INA: variants seen among roughly 807,000 people sequenced by gnomAD.
INA encodes alpha-internexin.
Under a neutral mutation model 40.1 loss-of-function variants are expected in INA, and 35 were observed. The ratio of observed to expected loss-of-function variants is 0.87; its 90% CI spans 0.67 to 1.16. The LOEUF (loss-of-function observed/expected upper bound fraction) is 1.16, where lower values mean the gene tolerates loss of function less well. Ranked by LOEUF, INA falls within the 50% of genes most tolerant of loss-of-function variation. INA has a pLI of 0.00. For synonymous variants in INA, 290 were observed against 316.9 expected, an observed-to-expected ratio of 0.92 and a Z score of 0.90; for missense variants, 594 against 686.7, an observed-to-expected ratio of 0.87 and a Z score of 1.51.
Position 103,289,338 on chromosome 10 carries a change from AATTAC to A in INA, c.*670_*674del, listed in dbSNP as rs1271339637. 2 of 152,658 alleles carry A rather than the reference AATTAC, an allele frequency of 1.3e-5. No individual in the cohort carries two copies. The highest frequency in any genetic ancestry group is 4.8e-5 in the African/African-American group (2 of 41,460). 9.5% of individuals were successfully genotyped at this position (152,658 alleles called of 1,614,324 possible). A position where few individuals can be genotyped will look rare whatever the true frequency, so the allele number is the denominator to read the frequency against. ...TGTTGACCATGTCTATGATTCGTGT[AATTAC>A]TTATCCCTGCCCATTTCATATTCTT... On this transcript the variant is annotated 3_prime_UTR_variant, in exon 3 of 3. Transcript: ENST00000369849.
At chr10:103,283,134 G>A (rs2093076319) in intron 1 of INA, among the ~76,000 whole-genome samples, 3 of 152,192 alleles carry the variant, frequency 2.0e-5, no homozygotes, top group South Asian at 2.1e-4. Flanking sequence ...GTAGAAAACT[G>A]GCTGAGGTCC....
chr10:103,288,259 G>T, intron 2 of INA, 101 bp from the exon 3 acceptor site: 1 of 1,097,110 alleles, frequency 9.1e-7, no homozygotes, highest in Non-Finnish European at 1.3e-6. Flanking sequence ...AAACTCCAAA[G>T]TCCTTTGGAA....
intron 1 of INA, chr10:103,280,015 T>G: frequency 7.8e-7 from 1 of 1,285,934 alleles, no homozygotes; most frequent in Non-Finnish European, 1.0e-6. Context: ...GATAACTTAC[T>G]CAGAGCTGCC....
In INA at chr10:103,278,450, A is replaced by G; in HGVS notation, c.1065+174A>G. ...CCCTGGAGTCTTTAATGTTAATTTT[A>G]GGGAACGCCCCTCATTTATGTCCCT... On this transcript the variant is annotated intron_variant, in intron 1 of 2. Transcript: ENST00000369849. This position sits in a 1 kb window ranked among gnomAD's most constrained non-coding sequence, Gnocchi z 4.9. Among the ~76,000 whole-genome samples the G allele has an allele frequency of 6.6e-6, 1 of 152,224 alleles. No individual in the cohort carries two copies. The highest frequency in any genetic ancestry group is 1.9e-4 in the East Asian group (1 of 5,196).
intron 1 of INA, chr10:103,280,676 G>T (rs1286539983): frequency 6.3e-5 from 62 of 985,258 alleles, no homozygotes; most frequent in Non-Finnish European, 7.5e-5. Flanking sequence ...CTTTTGAAAG[G>T]GTAAAAAATG....
At chr10:103,279,465 C>G (rs1273543175) in intron 1 of INA, among the ~76,000 whole-genome samples, 1 of 152,106 alleles carries the variant, frequency 6.6e-6, no homozygotes, top group Admixed American at 6.6e-5. Flanking sequence ...ATTATGACCG[C>G]AAATGGCACA....
chr10:103,277,270 G>T lies in INA; in HGVS notation c.59G>T (p.Gly20Val). The T allele has an allele frequency of 1.3e-6, 2 of 1,594,218 alleles. No individual in the cohort carries two copies. Among genetic ancestry groups the T allele is most frequent in the Middle Eastern group, 3.4e-4 (2 of 5,886 alleles). The change falls in exon 1 of 3, where the codon GGG becomes GTG. Residue 20 changes from glycine (G) to valine (V), a missense_variant. Gly to Val is a moderately radical substitution (Grantham distance 109, BLOSUM62 -3). Transcript: ENST00000369849. This position sits in a 1 kb window ranked among gnomAD's most constrained non-coding sequence, Gnocchi z 5.6. ...TCCTCCTCCTACCGCAAGGTGTTCG[G>T]GGATGGCTCTCGCCTGTCCGCCCGC... ...CSSSSYRKVF[G>V]DGSRLSARLS...
Position 103,277,974 on chromosome 10 carries a change from A to G in INA, c.763A>G (p.Thr255Ala), listed in dbSNP as rs1244974836. 1 of 1,580,342 alleles carries G rather than the reference A, an allele frequency of 6.3e-7. No homozygotes were observed. The highest frequency in any genetic ancestry group is 1.2e-5 in the South Asian group (1 of 86,816). ...GCAGGCCGCGGCCGAGGTGGACGTG[A>G]CTGTGGCTAAACCAGACCTGACCTC... ...SSQAAAEVDVTVAKPDLTSAL... is the reference protein window; with the variant it reads ...SSQAAAEVDVAVAKPDLTSAL... The change falls in exon 1 of 3, where the codon ACT becomes GCT. Residue 255 changes from threonine (T) to alanine (A), a missense_variant. Thr to Ala is a moderately conservative substitution (Grantham distance 58). Coordinates refer to ENST00000369849, the MANE Select transcript of INA (RefSeq NM_032727.4). This position sits in a 1 kb window ranked among gnomAD's most constrained non-coding sequence, Gnocchi z 5.6.
chr10:103,285,680 C>T (rs927162184), intron 1 of INA, among the ~76,000 whole-genome samples: 4 of 147,342 alleles, frequency 2.7e-5, no homozygotes, highest in Admixed American at 6.9e-5. Context: ...TGCAGTGGCG[C>T]GATCTCGTCT....
intron 1 of INA, 41 bp from the exon 2 acceptor site, chr10:103,286,994 A>G: frequency 6.3e-7 from 1 of 1,599,612 alleles, no homozygotes; most frequent in Non-Finnish European, 8.5e-7. Context: ...GAGGAATTTC[A>G]GCTGGTTTGG....
At position 103,277,448 on chromosome 10, in the gene INA, G is replaced by A; in HGVS notation, c.237G>A (p.Gln79=). ...CGTCCGACGGGCTGGACCTGAGCCA[G>A]GCGGCGGCGCGCACCAACGAGTACA... ...PPASDGLDLS[Q]AAARTNEYKI... is the part of the protein sequence containing the mutation. The change falls in exon 1 of 3, where the codon CAG becomes CAA. Residue 79 remains glutamine (Q), a synonymous_variant. Transcript: ENST00000369849. This position sits in a 1 kb window ranked among gnomAD's most constrained non-coding sequence, Gnocchi z 5.6. The A allele has an allele frequency of 1.3e-6, 2 of 1,574,104 alleles. No homozygotes were observed. Among genetic ancestry groups the A allele is most frequent in the East Asian group, 4.9e-5 (2 of 40,754 alleles).
In INA at chr10:103,288,863, G is replaced by A; in HGVS notation, c.*194G>A. 1 of 449,674 alleles carries A rather than the reference G, an allele frequency of 2.2e-6. No homozygotes were observed. Among genetic ancestry groups the A allele is most frequent in the African/African-American group, 2.0e-5 (1 of 49,382 alleles). The allele number at this position is 449,674 out of a possible 1,614,324, so 27.9% of individuals were successfully genotyped here. ...TTAGATTGAAGTAAACTGCAGTCCT[G>A]GAGCAATCACAGATGAGTTATCTAA... On this transcript the variant is annotated 3_prime_UTR_variant, in exon 3 of 3. Coordinates refer to ENST00000369849, the MANE Select transcript of INA (RefSeq NM_032727.4).
rs943116175 is a variant in INA at position 103,277,764 on chromosome 10, G to T, written c.553G>T (p.Glu185Ter). ...GCGGCTGCGGGCGCGCTGCGAGGAG[G>T]AGAGCCGCGGACGCGAAGGCGCCGA... Reference protein sequence around the residue: ...VQRLRARCEEESRGREGAERA... With the variant: ...VQRLRARCEE The change falls in exon 1 of 3, where the codon GAG becomes TAG. Residue 185 changes from glutamate to a stop codon, truncating the protein, a stop_gained. Coordinates refer to ENST00000369849, the MANE Select transcript of INA (RefSeq NM_032727.4). LOFTEE classifies it high-confidence loss of function. This position sits in a 1 kb window ranked among gnomAD's most constrained non-coding sequence, Gnocchi z 5.6. 3 of 1,477,272 alleles carry T rather than the reference G, an allele frequency of 2.0e-6. No homozygotes were observed. Among genetic ancestry groups the T allele is most frequent in the African/African-American group, 1.5e-5 (1 of 68,896 alleles). 91.5% of individuals were successfully genotyped at this position (1,477,272 alleles called of 1,614,324 possible). A position where few individuals can be genotyped will look rare whatever the true frequency, so the allele number is the denominator to read the frequency against.
chr10:103,285,119 G>T (rs920495252), intron 1 of INA, among the ~76,000 whole-genome samples: 42 of 152,018 alleles, frequency 2.8e-4, no homozygotes, highest in African/African-American at 9.6e-4. Flanking sequence ...TAGTAGCTGG[G>T]ATTATAGGCA....
chr10:103,281,602 G>A (rs922224563), intron 1 of INA, among the ~76,000 whole-genome samples: 2 of 152,156 alleles, frequency 1.3e-5, no homozygotes, highest in African/African-American at 2.4e-5. Context: ...AATAAAGCAC[G>A]CATGGTGAAC....
chr10:103,281,601 C>G (rs972446682), intron 1 of INA, among the ~76,000 whole-genome samples: 1 of 152,162 alleles, frequency 6.6e-6, no homozygotes, highest in Non-Finnish European at 1.5e-5. Flanking sequence ...GAATAAAGCA[C>G]GCATGGTGAA....
rs1292869130 is a variant in INA, at chr10:103,288,744, A to C, written c.*75A>C. 3.6e-5 allele frequency: 32 copies of C among 898,054 alleles called. No homozygotes were observed. The highest frequency in any genetic ancestry group is 5.1e-5 in the Non-Finnish European group (30 of 587,580). The allele number at this position is 898,054 out of a possible 1,614,324, so 55.6% of individuals were successfully genotyped here. A position where few individuals can be genotyped will look rare whatever the true frequency, so the allele number is the denominator to read the frequency against. ...GACTTGTTAAACAGCCTATTCCTGA[A>C]CTATAACACCTGCCACCACTATAAA... On this transcript the variant is annotated 3_prime_UTR_variant, in exon 3 of 3. Transcript: ENST00000369849.
intron 2 of INA, among the ~76,000 whole-genome samples, chr10:103,287,731 TAA>T (rs942151006): frequency 0.026 from 2,017 of 77,912 alleles, 29 homozygotes; most frequent in South Asian, 0.11. Context: ...AGACTCTGTC[TAA>T]AAAAAAAAAA....
chr10:103,280,507 G>C, intron 1 of INA: 1 of 985,358 alleles, frequency 1.0e-6, no homozygotes. Context: ...TGCAGTAATG[G>C]GAGGCTGTTC....
Sources: allele counts gnomAD v4.1 joint callset (sites outside exome capture counted in the v4.1 genomes callset), GRCh38; gene constraint gnomAD v4.1.1; non-coding constraint Gnocchi (gnomAD v3.1); transcripts MANE v1.5; gene names NCBI Gene and HGNC (gene_info 2026-07-23, HGNC 2026-07-21).